Variants in AHRR observed in about 807,000 individuals in gnomAD.
AHRR encodes ahR repressor.
A neutral mutation model predicts 44.0 loss-of-function variants in AHRR; 28 were observed. The observed-to-expected ratio is 0.64, with a 90% CI of 0.47 to 0.87. The LOEUF is 0.87. Ranked by LOEUF, AHRR falls within the 40% of genes least tolerant of loss-of-function variation. The pLI is 0.00. For missense variants in AHRR, 990 were observed against 953.9 expected, an observed-to-expected ratio of 1.04 and a Z score of -0.50; for synonymous variants, 434 against 407.0, an observed-to-expected ratio of 1.07 and a Z score of -0.80.
chr5:345,273 GGTGT>G (rs369296109), intron 2 of AHRR, among the ~76,000 whole-genome samples: 1 of 16,656 alleles, frequency 6.0e-5, no homozygotes, highest in Non-Finnish European at 2.1e-4. Flanking sequence ...GGGGTGGGTG[GGTGT>G]GTGTGTCGGA....
intron 2 of AHRR, among the ~76,000 whole-genome samples, chr5:350,327 C>A (rs1742816383): frequency 6.6e-6 from 1 of 152,212 alleles, no homozygotes; most frequent in Non-Finnish European, 1.5e-5. Flanking sequence ...TGTTCACAGG[C>A]ATTGCATATT....
At chr5:328,255 A>ATTTTTTTTTTTTTTTT (rs70955232) in intron 1 of AHRR, among the ~76,000 whole-genome samples, 1 of 54,254 alleles carries the variant, frequency 1.8e-5, no homozygotes, top group African/African-American at 6.0e-5. Flanking sequence ...CCAACATCTG[A>ATTTTTTTTTTTTTTTT]TTTTTTTTTT....
chr5:427,289 T>C (rs562720737), intron 7 of AHRR, among the ~76,000 whole-genome samples: 1 of 152,376 alleles, frequency 6.6e-6, no homozygotes, highest in South Asian at 2.1e-4. Context: ...GCTTACTTGC[T>C]GGCTTTTAAA....
intron 3 of AHRR, among the ~76,000 whole-genome samples, chr5:365,041 TCA>T (rs532638643): frequency 7.2e-4 from 110 of 152,118 alleles, no homozygotes; most frequent in Non-Finnish European, 1.3e-3. Flanking sequence ...AAATTCATCA[TCA>T]GAGAGAAATA....
At chr5:352,913 C>T (rs986962397) in intron 2 of AHRR, among the ~76,000 whole-genome samples, 10 of 125,792 alleles carry the variant, frequency 7.9e-5, no homozygotes, top group East Asian at 5.0e-4. Context: ...CCGTAGGGGA[C>T]GGTCACTCTG....
intron 4 of AHRR, among the ~76,000 whole-genome samples, chr5:392,582 T>C (rs570008779): frequency 2.6e-5 from 4 of 152,166 alleles, no homozygotes; most frequent in Non-Finnish European, 4.4e-5. Flanking sequence ...TGACTCGTTA[T>C]GTAAGCGTGT....
chr5:424,889 C>G lies in AHRR; in HGVS notation c.708+912C>G, dbSNP rs552822590. ...CATGTCAGGGCAAAGGCCTCCCACC[C>G]TGTCCCAGAGCCCTGCCCACCTTGC... On this transcript the variant is annotated intron_variant, in intron 7 of 10. Transcript: ENST00000684583. 4.6e-5 allele frequency among the ~76,000 whole-genome samples: 7 copies of G among 152,360 alleles called. No individual in the cohort carries two copies. In the South Asian group the frequency reaches 1.4e-3, roughly 32 times the overall value.
At chr5:418,110 G>A (rs962988004) in intron 5 of AHRR, among the ~76,000 whole-genome samples, 1 of 152,186 alleles carries the variant, frequency 6.6e-6, no homozygotes, top group African/African-American at 2.4e-5. Context: ...TGCACAAAAA[G>A]GTAAAAATGT....
In AHRR at chr5:326,808, C is replaced by T. The variant is rs980223726; in HGVS notation, c.-11+4989C>T. ...GGCGCATGGTTCACGCCTGTAATCC[C>T]TGCACTTTGGGAGGCTGAGGCAGGC... is the stretch of plus-strand genomic sequence containing the variant. On this transcript the variant is annotated intron_variant, in intron 1 of 10. Coordinates refer to ENST00000684583, the MANE Select transcript of AHRR (RefSeq NM_001377236.1). The surrounding 1 kb of genome is among the most constrained non-coding windows in gnomAD (Gnocchi z 4.1). Among the ~76,000 whole-genome samples the T allele has an allele frequency of 6.6e-6, 1 of 152,176 alleles. No homozygotes were observed. The highest frequency in any genetic ancestry group is 2.4e-5 in the African/African-American group (1 of 41,440).
intron 3 of AHRR, 72 bp from the exon 4 acceptor site, chr5:376,538 A>AC: frequency 6.8e-7 from 1 of 1,475,398 alleles, no homozygotes; most frequent in Non-Finnish European, 9.1e-7. Context: ...GAAACACAGG[A>AC]AAGATGTGAA....
chr5:418,757 G>GGA (rs202037610), intron 5 of AHRR: 6,685 of 152,432 alleles, frequency 0.044, 254 homozygotes, highest in African/African-American at 0.1. Flanking sequence ...CTGAAGAACT[G>GGA]GAGAGAGAGA....
rs749430979 is a variant in AHRR, at chr5:434,496, C to T, written c.1756C>T (p.His586Tyr). Reference protein sequence around the residue: ...PDSRQQVYISHLGHGVRGAQP... With the variant: ...PDSRQQVYISYLGHGVRGAQP... ...CTCTCGGCAACAGGTGTACATCTCGCACCTGGGGCACGGCGTGCGGGGGGC... is the reference window on the plus strand; with the variant it reads ...CTCTCGGCAACAGGTGTACATCTCGTACCTGGGGCACGGCGTGCGGGGGGC... The change falls in exon 11 of 11, where the codon CAC becomes TAC. Residue 586 changes from histidine to tyrosine, a missense_variant. Coordinates refer to ENST00000684583, the MANE Select transcript of AHRR (RefSeq NM_001377236.1). 5.0e-6 allele frequency: 8 copies of T among 1,612,962 alleles called. No homozygotes were observed. The Admixed American group carries it at 1.3e-4, about 27-fold the overall frequency.
At chr5:355,947 C>A (rs1309238735) in intron 3 of AHRR, among the ~76,000 whole-genome samples, 1 of 152,230 alleles carries the variant, frequency 6.6e-6, no homozygotes, top group Non-Finnish European at 1.5e-5. Context: ...TTTCTGAAGT[C>A]ATTTCCACGT....
chr5:325,693 C>A (rs1412284031), intron 1 of AHRR, among the ~76,000 whole-genome samples: 1 of 151,208 alleles, frequency 6.6e-6, no homozygotes, highest in Non-Finnish European at 1.5e-5. Context: ...CATTTGCTTT[C>A]TTTCTTAACA....
At chr5:396,446 G>A (rs1486601104) in intron 4 of AHRR, among the ~76,000 whole-genome samples, 1 of 152,184 alleles carries the variant, frequency 6.6e-6, no homozygotes. Context: ...GCCGGCCACC[G>A]TGGAGAGAGC....
chr5:431,611 C>A (rs1038556128), intron 8 of AHRR, among the ~76,000 whole-genome samples: 1 of 151,998 alleles, frequency 6.6e-6, no homozygotes, highest in Non-Finnish European at 1.5e-5. Context: ...AACAGCAGCC[C>A]CCATGGCCCC....
At chr5:402,679 A>C (rs1735069081) in intron 4 of AHRR, among the ~76,000 whole-genome samples, 1 of 151,756 alleles carries the variant, frequency 6.6e-6, no homozygotes, top group African/African-American at 2.4e-5. Flanking sequence ...CTGGGCATTT[A>C]CCCAAATTAA....
At chr5:353,705 C>T in intron 2 of AHRR, 25 bp from the exon 3 acceptor site, 1 of 1,588,590 alleles carries the variant, frequency 6.3e-7, no homozygotes, top group Non-Finnish European at 8.5e-7. Flanking sequence ...GAGAAGCCCA[C>T]CTGACCCAGA....
chr5:382,966 T>A (rs185217658), intron 4 of AHRR, among the ~76,000 whole-genome samples: 4 of 152,340 alleles, frequency 2.6e-5, no homozygotes, highest in African/African-American at 9.6e-5. Context: ...ATGCTCCGTT[T>A]TCATTTTCAT....
Sources: allele counts gnomAD v4.1 joint callset (sites outside exome capture counted in the v4.1 genomes callset), GRCh38; gene constraint gnomAD v4.1.1; non-coding constraint Gnocchi (gnomAD v3.1); transcripts MANE v1.5; gene names NCBI Gene and HGNC (gene_info 2026-07-23, HGNC 2026-07-21).